The following COLGALT2 variants were observed in gnomAD, a reference collection of about 807,000 sequenced individuals.
COLGALT2 encodes the protein collagen beta(1-O)galactosyltransferase 2.
Under a neutral mutation model 73.4 loss-of-function variants are expected in COLGALT2, and 49 were observed. That is an observed-to-expected ratio of 0.67 (90% CI 0.53 to 0.85). The LOEUF is 0.85. Ranked by LOEUF, COLGALT2 falls within the 40% of genes least tolerant of loss-of-function variation. The pLI, the probability that COLGALT2 is intolerant of heterozygous loss-of-function variation, is 0.00. For synonymous variants in COLGALT2, 295 were observed against 307.6 expected (o/e 0.96, Z 0.43); for missense variants, 722 against 790.2 (o/e 0.91, Z 1.03).
chr1:183,938,440 G>A lies in COLGALT2; in HGVS notation c.*321C>T, dbSNP rs116234834. 485 of 1,146,450 alleles carry A rather than the reference G, an allele frequency of 4.2e-4. 2 individuals are homozygous for A. The African/African-American group carries it at 6.5e-3, about 15-fold the overall frequency. 71.0% of individuals were successfully genotyped at this position (1,146,450 alleles called of 1,614,324 possible). A position where few individuals can be genotyped will look rare whatever the true frequency, so the allele number is the denominator to read the frequency against. ...CACTTTCTCTTGAACAAGACTCTGA[G>A]CCATGTTGTTCAACCTTAATGTGGG... On this transcript the variant is annotated 3_prime_UTR_variant, in exon 12 of 12. Coordinates refer to ENST00000361927, the MANE Select transcript of COLGALT2 (RefSeq NM_015101.4).
At chr1:184,002,019 C>G (rs1422734612) in intron 1 of COLGALT2, among the ~76,000 whole-genome samples, 1 of 152,258 alleles carries the variant, frequency 6.6e-6, no homozygotes, top group Non-Finnish European at 1.5e-5. Flanking sequence ...AGCTATGCCA[C>G]CCCTTGCTCC....
chr1:184,026,522 C>A (rs1301375844), intron 1 of COLGALT2, among the ~76,000 whole-genome samples: 1 of 152,098 alleles, frequency 6.6e-6, no homozygotes, highest in Non-Finnish European at 1.5e-5. Context: ...ATTTGTTGTG[C>A]AGCAGCAACA....
chr1:183,964,947 T>C (rs1467249818), intron 5 of COLGALT2, among the ~76,000 whole-genome samples: 1 of 152,254 alleles, frequency 6.6e-6, no homozygotes, highest in Non-Finnish European at 1.5e-5. Flanking sequence ...TCCAGAGAGA[T>C]AATTATCTGC....
chr1:184,031,308 G>A (rs888528875), intron 1 of COLGALT2, among the ~76,000 whole-genome samples: 2 of 152,136 alleles, frequency 1.3e-5, no homozygotes, highest in Non-Finnish European at 2.9e-5. Context: ...CTGTTATGTA[G>A]CTATGATCAC....
Position 183,963,945 on chromosome 1 carries a change from T to C in COLGALT2, c.908A>G (p.Gln303Arg). The C allele has an allele frequency of 6.2e-7, 1 of 1,612,888 alleles. No individual in the cohort carries two copies. The highest frequency in any genetic ancestry group is 1.3e-5 in the African/African-American group (1 of 74,996). The change falls in exon 6 of 12, where the codon CAG becomes CGG. Residue 303 changes from glutamine to arginine, a missense_variant. Gln to Arg is a conservative substitution (Grantham distance 43). Transcript: ENST00000361927. Reference protein sequence around the residue: ...PIPLKPHQTLQEDIENLIHVQ... With the variant: ...PIPLKPHQTLREDIENLIHVQ... ...ATGGATGAGGTTCTCGATGTCTTCC[T>C]GCAGTGTCTGATGGGGCTTCAGGGG...
intron 9 of COLGALT2, 132 bp from the exon 10 acceptor site, chr1:183,944,455 A>G (rs1308482536): frequency 2.1e-6 from 2 of 958,148 alleles, no homozygotes; most frequent in East Asian, 2.7e-5. Context: ...AATGGCCATC[A>G]ACAGTAGAAT....
At chr1:184,030,365 G>C (rs1271456598) in intron 1 of COLGALT2, among the ~76,000 whole-genome samples, 6 of 152,158 alleles carry the variant, frequency 3.9e-5, no homozygotes, top group Non-Finnish European at 5.9e-5. Context: ...ATGGTAACTG[G>C]GGAATAGGTG....
chr1:183,990,170 C>T (rs778152909), intron 1 of COLGALT2, among the ~76,000 whole-genome samples: 2 of 152,220 alleles, frequency 1.3e-5, no homozygotes, highest in African/African-American at 4.8e-5. Flanking sequence ...GAGTCTATGA[C>T]TGTCCGGCTT....
chr1:183,938,895 C>T lies in COLGALT2; in HGVS notation c.1747G>A (p.Val583Met). Residue 583 changes from valine to methionine, a missense_variant, in exon 12 of 12, where the codon GTG (valine) becomes ATG (methionine). Physicochemically the swap from Val to Met is conservative, Grantham distance 21. Transcript: ENST00000361927. ...ETSTIWDNET[V>M]ATDWDRTHAW... ...TGTGTCCTATCCCAGTCGGTGGCCA[C>T]TGTCTCATTGTCCCAGATGGTGGAG... The T allele has an allele frequency of 6.2e-7, 1 of 1,614,152 alleles. No individual in the cohort carries two copies. Among genetic ancestry groups the T allele is most frequent in the Non-Finnish European group, 8.5e-7 (1 of 1,180,020 alleles).
At chr1:183,956,478 C>T (rs17570131) in intron 6 of COLGALT2, among the ~76,000 whole-genome samples, 29,917 of 152,156 alleles carry the variant, frequency 0.2, 3,177 homozygotes, top group Non-Finnish European at 0.21. Context: ...CCACCAGGTA[C>T]ACGGTTAGGT....
intron 1 of COLGALT2, among the ~76,000 whole-genome samples, chr1:183,994,114 C>T (rs1671707068): frequency 7.6e-6 from 1 of 132,278 alleles, no homozygotes; most frequent in Admixed American, 8.4e-5. Context: ...TCTCGGCTCA[C>T]TGCAAACTCC....
At chr1:184,029,287 G>A (rs539185376) in intron 1 of COLGALT2, among the ~76,000 whole-genome samples, 2 of 152,344 alleles carry the variant, frequency 1.3e-5, no homozygotes, top group South Asian at 2.1e-4. Context: ...GGAGTAGAGA[G>A]CTAAGGGAAA....
chr1:183,977,839 A>AGAGAGAGAGAGAGAG (rs59696449), intron 2 of COLGALT2, among the ~76,000 whole-genome samples: 2 of 147,148 alleles, frequency 1.4e-5, no homozygotes, highest in African/African-American at 5.2e-5. Flanking sequence ...AGAGAGAAAG[A>AGAGAGAGAGAGAGAG]AGAGAAGAGA....
chr1:183,943,384 T>G (rs1201505298), intron 10 of COLGALT2, among the ~76,000 whole-genome samples: 1 of 152,022 alleles, frequency 6.6e-6, no homozygotes, highest in Non-Finnish European at 1.5e-5. Flanking sequence ...GCTTGGGAAC[T>G]TTCTGCTTCA....
intron 1 of COLGALT2, among the ~76,000 whole-genome samples, chr1:183,991,797 G>T (rs914924378): frequency 2.0e-5 from 3 of 152,064 alleles, no homozygotes; most frequent in Non-Finnish European, 2.9e-5. Flanking sequence ...TCATATTTTT[G>T]AGGAGTCTTG....
chr1:183,936,083 T>G lies in COLGALT2; in HGVS notation c.*2678A>C, dbSNP rs902703669. The G allele has an allele frequency of 6.1e-6, 6 of 985,378 alleles. No homozygotes were observed. In the African/African-American group the frequency reaches 1.0e-4, roughly 17 times the overall value. The allele number at this position is 985,378 out of a possible 1,614,324, so 61.0% of individuals were successfully genotyped here. A position where few individuals can be genotyped will look rare whatever the true frequency, so the allele number is the denominator to read the frequency against. On this transcript the variant is annotated 3_prime_UTR_variant, in exon 12 of 12. Coordinates refer to ENST00000361927, the MANE Select transcript of COLGALT2 (RefSeq NM_015101.4). ...CAGCACTGCTGATGTCACGGTTGTC[T>G]GTCCAGAAGATCCCACGTTAGATCC...
intron 1 of COLGALT2, among the ~76,000 whole-genome samples, chr1:183,990,679 T>C (rs1431220528): frequency 6.6e-6 from 1 of 152,172 alleles, no homozygotes; most frequent in Non-Finnish European, 1.5e-5. Context: ...GAAAGAAGAA[T>C]GTTCCAGAAA....
At chr1:184,025,286 G>A (rs1246499695) in intron 1 of COLGALT2, among the ~76,000 whole-genome samples, 1 of 152,194 alleles carries the variant, frequency 6.6e-6, no homozygotes, top group East Asian at 1.9e-4. Context: ...TTTGAAGCTG[G>A]GTCAAGACCA....
chr1:183,931,662 A>C (rs975874216), downstream of COLGALT2, among the ~76,000 whole-genome samples: 1 of 152,150 alleles, frequency 6.6e-6, no homozygotes, highest in Non-Finnish European at 1.5e-5. Context: ...AGTTATCAGT[A>C]TCCAAGTGCT....
Sources: gnomAD v4.1 joint callset for allele counts (sites outside exome capture counted in the v4.1 genomes callset) on GRCh38, gnomAD v4.1.1 for gene constraint, MANE v1.5 for transcripts, NCBI Gene and HGNC (gene_info 2026-07-23, HGNC 2026-07-21) for gene names.